CILK1: variants seen among roughly 807,000 people sequenced by gnomAD.
The protein encoded by CILK1 is ciliogenesis associated kinase 1, also known as serine/threonine-protein kinase ICK.
CILK1 carries 47 observed loss-of-function variants against 79.2 expected under a neutral mutation model. The ratio of observed to expected loss-of-function variants is 0.59; its 90% CI spans 0.47 to 0.76. CILK1 has a LOEUF of 0.76. CILK1 is among the 30% of genes least tolerant of loss of function. CILK1 has a pLI of 0.00. For missense variants in CILK1, 660 were observed against 769.5 expected, an observed-to-expected ratio of 0.86 and a Z score of 1.68; for synonymous variants, 266 against 275.9, an observed-to-expected ratio of 0.96 and a Z score of 0.36.
rs535957057 is a variant in CILK1, at chr6:53,029,546, T to C, written c.358+1519A>G. Among the ~76,000 whole-genome samples, 5 of 152,270 alleles carry C rather than the reference T, an allele frequency of 3.3e-5. No homozygotes were observed. In the South Asian group the frequency reaches 1.0e-3, roughly 32 times the overall value. On this transcript the variant is annotated intron_variant, in intron 5 of 13. Coordinates refer to ENST00000676107, the MANE Select transcript of CILK1 (RefSeq NM_014920.5). ...TAATTGTAAGCAGCTACCTCAGAAG[T>C]AAAGGACAGGCTGGTAATGATCCCA...
Position 53,012,149 on chromosome 6 carries a change from A to G in CILK1, c.1231T>C (p.Ser411Pro). 6.2e-7 allele frequency: 1 copy of G among 1,614,070 alleles called. No homozygotes were observed. Among genetic ancestry groups the G allele is most frequent in the Non-Finnish European group, 8.5e-7 (1 of 1,180,012 alleles). Residue 411 changes from serine (S) to proline (P), a missense_variant, in exon 10 of 14, where the codon TCA (serine) becomes CCA (proline). By Grantham distance (74) the Ser-to-Pro change is moderately conservative. Transcript: ENST00000676107. ...GCCCAATCATCTGAATCCTTTGTTGACCTGGAAATAAGACCCCACCTTCTC... is the reference window on the plus strand; with the variant it reads ...GCCCAATCATCTGAATCCTTTGTTGGCCTGGAAATAAGACCCCACCTTCTC... ...SRRRWGLISR[S>P]TKDSDDWADL... is the part of the protein sequence containing the mutation.
rs764798217 is a variant in CILK1, at chr6:53,005,314, A to G, written c.1745-11T>C. The G allele has an allele frequency of 2.9e-5, 47 of 1,614,212 alleles. No homozygotes were observed. In the East Asian group the frequency reaches 1.0e-3, roughly 35 times the overall value. On this transcript the variant is annotated splice_polypyrimidine_tract_variant and intron_variant, in intron 13 of 13. Transcript: ENST00000676107. ...TCAGGGAGGAATAACCTGCAATGAAAGAAAAAGGCCGGCATGACTGATATG... is the reference window on the plus strand; with the variant it reads ...TCAGGGAGGAATAACCTGCAATGAAGGAAAAAGGCCGGCATGACTGATATG...
intron 5 of CILK1, among the ~76,000 whole-genome samples, chr6:53,028,198 C>T (rs1184798204): frequency 1.3e-5 from 2 of 151,336 alleles, no homozygotes; most frequent in East Asian, 3.9e-4. Context: ...CACCTGTAGT[C>T]CCAGCTACTC....
At chr6:53,012,470 T>C (rs1010337652) in intron 9 of CILK1, among the ~76,000 whole-genome samples, 4 of 152,152 alleles carry the variant, frequency 2.6e-5, no homozygotes, top group African/African-American at 9.7e-5. Flanking sequence ...GATAAAAAAA[T>C]TTTTAAGATA....
Position 53,009,571 on chromosome 6 carries a change from A to G in CILK1, c.1493-4T>C. 1 of 1,603,736 alleles carries G rather than the reference A, an allele frequency of 6.2e-7. No individual in the cohort carries two copies. Among genetic ancestry groups the G allele is most frequent in the Non-Finnish European group, 8.5e-7 (1 of 1,170,588 alleles). On this transcript the variant is annotated splice_region_variant and splice_polypyrimidine_tract_variant and intron_variant, in intron 11 of 13. Coordinates refer to ENST00000676107, the MANE Select transcript of CILK1 (RefSeq NM_014920.5). ...ATGCCATTTCTTATACTGATCCCTG[A>G]TAGAGAAGAAATGATTTTAAAATGC...
chr6:53,057,328 A>G (rs1767972237), intron 1 of CILK1, among the ~76,000 whole-genome samples: 1 of 152,212 alleles, frequency 6.6e-6, no homozygotes, highest in East Asian at 1.9e-4. Context: ...TGTGGTTCTC[A>G]TAAGCTCTGG....
Position 53,016,329 on chromosome 6 carries a change from A to G in CILK1, c.664-79T>C, listed in dbSNP as rs543790863. On this transcript the variant is annotated intron_variant, in intron 7 of 13. Coordinates refer to ENST00000676107, the MANE Select transcript of CILK1 (RefSeq NM_014920.5). The stretch of plus-strand genomic sequence containing the variant: ...TTTGTATTCTGGCATGTGTGCCCCA[A>G]ATGGAAAGGCAACCATGTCATTACC... 7 of 1,428,700 alleles carry G rather than the reference A, an allele frequency of 4.9e-6. No individual in the cohort carries two copies. The East Asian group carries it at 1.4e-4, about 28-fold the overall frequency. 88.5% of individuals were successfully genotyped at this position (1,428,700 alleles called of 1,614,324 possible).
At chr6:53,025,695 C>CTGA (rs1289662309) in intron 5 of CILK1, among the ~76,000 whole-genome samples, 10 of 152,106 alleles carry the variant, frequency 6.6e-5, no homozygotes, top group Admixed American at 1.3e-4. Flanking sequence ...ATAAAAATGA[C>CTGA]TGATGAAAAA....
chr6:53,028,037 C>T (rs1765688762), intron 5 of CILK1, among the ~76,000 whole-genome samples: 8 of 152,098 alleles, frequency 5.3e-5, no homozygotes. Flanking sequence ...GTCCCAGCTA[C>T]TCAGGAGGCT....
chr6:53,053,865 G>A (rs563246746), intron 1 of CILK1, among the ~76,000 whole-genome samples: 3 of 152,130 alleles, frequency 2.0e-5, no homozygotes, highest in East Asian at 1.9e-4. Flanking sequence ...GCTGTGCCTC[G>A]GGGCATCTCT....
intron 1 of CILK1, among the ~76,000 whole-genome samples, chr6:53,048,372 C>T (rs2127461419): frequency 6.6e-6 from 1 of 152,266 alleles, no homozygotes; most frequent in South Asian, 2.1e-4. Context: ...GAACAAGAAC[C>T]ATGACCACTC....
chr6:53,034,769 G>T (rs1445119343), intron 3 of CILK1, among the ~76,000 whole-genome samples: 1 of 152,200 alleles, frequency 6.6e-6, no homozygotes, highest in Non-Finnish European at 1.5e-5. Context: ...CATACTAAGT[G>T]TCAAGGGAAT....
intron 12 of CILK1, among the ~76,000 whole-genome samples, chr6:53,007,575 T>C (rs1187340636): frequency 2.6e-5 from 4 of 152,174 alleles, no homozygotes; most frequent in African/African-American, 9.7e-5. Context: ...CATATCCCGC[T>C]GGAGAGCAAG....
At chr6:53,043,819 T>TATTCTTAGGGCACAGG (rs1554179176) in intron 1 of CILK1, among the ~76,000 whole-genome samples, 1 of 151,942 alleles carries the variant, frequency 6.6e-6, no homozygotes, top group East Asian at 1.9e-4. Flanking sequence ...ATATTTCAAG[T>TATTCTTAGGGCACAGG]ATGTGGAGGG....
Position 53,004,979 on chromosome 6 carries a change from T to TA in CILK1, c.*169_*170insT. The TA allele has an allele frequency of 4.3e-6, 3 of 692,808 alleles. No individual in the cohort carries two copies. Among genetic ancestry groups the TA allele is most frequent in the South Asian group, 2.1e-5 (1 of 48,572 alleles). The allele number at this position is 692,808 out of a possible 1,614,324, so 42.9% of individuals were successfully genotyped here. ...AGCCTACTGCATTCAAATCAATATT[T>TA]TAAAAAAAAACTTTAAAAAAGAATA... On this transcript the variant is annotated 3_prime_UTR_variant, in exon 14 of 14. Transcript: ENST00000676107.
At position 53,003,816 on chromosome 6, in the gene CILK1, T is replaced by C. The variant is rs1353665131; in HGVS notation, c.*1333A>G. 6.6e-6 allele frequency: 1 copy of C among 152,642 alleles called. No individual in the cohort carries two copies. Among genetic ancestry groups the C allele is most frequent in the Non-Finnish European group, 1.5e-5 (1 of 68,044 alleles). The allele number at this position is 152,642 out of a possible 1,614,324, so 9.5% of individuals were successfully genotyped here. ...GAGTAGTTTGAGCCCTAGGAGAATA[T>C]GAATCAATACACTGTTGAGATTGCA... On this transcript the variant is annotated 3_prime_UTR_variant, in exon 14 of 14. Coordinates refer to ENST00000676107, the MANE Select transcript of CILK1 (RefSeq NM_014920.5).
At position 53,055,365 on chromosome 6, in the gene CILK1, GACCTAATT is replaced by G. The variant is rs1343086074; in HGVS notation, c.-173+6223_-173+6230del. ...TATCCGGGTTTATGTTTTTCTCCTG[GACCTAATT>G]CTTCTGCCTCTGTACATTTTAGCAA... On this transcript the variant is annotated intron_variant, in intron 1 of 13. Coordinates refer to ENST00000676107, the MANE Select transcript of CILK1 (RefSeq NM_014920.5). Among the ~76,000 whole-genome samples the G allele has an allele frequency of 9.2e-5, 14 of 152,220 alleles. No homozygotes were observed. In the South Asian group the frequency reaches 2.9e-3, roughly 32 times the overall value.
chr6:53,031,274 A>G, intron 4 of CILK1, 130 bp from the exon 5 acceptor site: 2 of 646,704 alleles, frequency 3.1e-6, no homozygotes, highest in Non-Finnish European at 5.4e-6. Flanking sequence ...CATGTTACAA[A>G]AACAAAAAGA....
Position 53,004,474 on chromosome 6 carries a change from T to C in CILK1, c.*675A>G, listed in dbSNP as rs186514535. The stretch of plus-strand genomic sequence containing the variant: ...CCACATTAAAGGGTGTCAGAAAAAT[T>C]TTTTAAAATGTATTTACTTAGAGTT... On this transcript the variant is annotated 3_prime_UTR_variant, in exon 14 of 14. Coordinates refer to ENST00000676107, the MANE Select transcript of CILK1 (RefSeq NM_014920.5). The C allele has an allele frequency of 8.5e-5, 13 of 152,324 alleles. No individual in the cohort carries two copies. Among genetic ancestry groups the C allele is most frequent in the Admixed American group, 2.0e-4 (3 of 15,300 alleles). The allele number at this position is 152,324 out of a possible 1,614,324, so 9.4% of individuals were successfully genotyped here.
Sources: gnomAD v4.1 joint callset for allele counts (sites outside exome capture counted in the v4.1 genomes callset) on GRCh38, gnomAD v4.1.1 for gene constraint, MANE v1.5 for transcripts, NCBI Gene and HGNC (gene_info 2026-07-23, HGNC 2026-07-21) for gene names.